The following LRMDA variants were observed in gnomAD, a reference collection of about 807,000 sequenced individuals.
LRMDA encodes leucine rich melanocyte differentiation associated, also known as leucine-rich melanocyte differentiation-associated protein.
Under a neutral mutation model 29.8 loss-of-function variants are expected in LRMDA, and 18 were observed. The observed-to-expected ratio is 0.60, with a 90% CI of 0.42 to 0.90. LRMDA has a LOEUF of 0.90. LRMDA is among the 40% of genes least tolerant of loss of function. LRMDA has a pLI of 0.00. For missense variants in LRMDA, 273 were observed against 273.9 expected (o/e 1.00, Z 0.02); for synonymous variants, 125 against 109.4 (o/e 1.14, Z -0.89).
chr10:76,511,857 G>A (rs952145428), intron 6 of LRMDA, among the ~76,000 whole-genome samples: 5 of 146,644 alleles, frequency 3.4e-5, no homozygotes, highest in African/African-American at 1.3e-4. Flanking sequence ...TTTTTTTGCA[G>A]AAATTGACCA....
intron 6 of LRMDA, among the ~76,000 whole-genome samples, chr10:76,441,692 C>T (rs1486835355): frequency 2.0e-5 from 3 of 152,196 alleles, no homozygotes; most frequent in Non-Finnish European, 2.9e-5. Context: ...GTGCGAGGCT[C>T]TGCCCCCCTC....
At chr10:75,725,529 G>A (rs1415830280) in intron 2 of LRMDA, among the ~76,000 whole-genome samples, 1 of 152,152 alleles carries the variant, frequency 6.6e-6, no homozygotes, top group East Asian at 1.9e-4. Context: ...TTTTTGAGTA[G>A]CGTTGTGTAA....
chr10:76,247,639 A>C (rs1564699348), intron 5 of LRMDA, among the ~76,000 whole-genome samples: 1 of 152,200 alleles, frequency 6.6e-6, no homozygotes. Flanking sequence ...TGCCTCCCGC[A>C]ACCCAACCCA....
chr10:75,612,257 T>G (rs564263831), intron 2 of LRMDA, among the ~76,000 whole-genome samples: 31 of 152,354 alleles, frequency 2.0e-4, no homozygotes, highest in African/African-American at 7.0e-4. Context: ...AAAATGCAGC[T>G]GGTTGAATGT....
At chr10:75,793,590 C>T (rs1043739018) in intron 2 of LRMDA, among the ~76,000 whole-genome samples, 1 of 152,144 alleles carries the variant, frequency 6.6e-6, no homozygotes, top group Non-Finnish European at 1.5e-5. Flanking sequence ...TTTCTGGTCC[C>T]CTTGTGTGAA....
At chr10:76,165,119 C>T (rs1319021890) in intron 5 of LRMDA, among the ~76,000 whole-genome samples, 1 of 151,766 alleles carries the variant, frequency 6.6e-6, no homozygotes, top group African/African-American at 2.4e-5. Context: ...ATTACAGGCA[C>T]CTGCCACCAT....
chr10:76,133,530 G>A (rs116707497), intron 5 of LRMDA, among the ~76,000 whole-genome samples: 1 of 152,082 alleles, frequency 6.6e-6, no homozygotes, highest in East Asian at 1.9e-4. Flanking sequence ...GTCAGCAAAC[G>A]CCAGACCACT....
intron 2 of LRMDA, among the ~76,000 whole-genome samples, chr10:75,994,677 G>T (rs1442080986): frequency 6.6e-6 from 1 of 152,174 alleles, no homozygotes; most frequent in Admixed American, 6.5e-5. Context: ...CTTCAGGGCT[G>T]TTCTACCTAT....
chr10:76,033,218 C>G (rs1189431827), intron 2 of LRMDA, among the ~76,000 whole-genome samples: 13 of 152,162 alleles, frequency 8.5e-5, no homozygotes, highest in Admixed American at 6.5e-4. Flanking sequence ...GCCCTCAGCT[C>G]TGGATCTAGA....
At chr10:75,833,070 G>GTCCTTTTT (rs1844373893) in intron 2 of LRMDA, among the ~76,000 whole-genome samples, 1 of 152,080 alleles carries the variant, frequency 6.6e-6, no homozygotes, top group Non-Finnish European at 1.5e-5. Context: ...TTGTCCTTTT[G>GTCCTTTTT]TCCTCTAAAT....
At chr10:76,239,154 C>T (rs1424884806) in intron 5 of LRMDA, among the ~76,000 whole-genome samples, 1 of 152,082 alleles carries the variant, frequency 6.6e-6, no homozygotes, top group Non-Finnish European at 1.5e-5. Flanking sequence ...GAGCATGGTT[C>T]ACTCCCTAGA....
intron 2 of LRMDA, among the ~76,000 whole-genome samples, chr10:75,954,844 T>C (rs1431417296): frequency 6.6e-6 from 1 of 152,172 alleles, no homozygotes; most frequent in Non-Finnish European, 1.5e-5. Flanking sequence ...GAGTTGAAAA[T>C]TGATTCTGAA....
chr10:75,821,508 G>A (rs914967708), intron 2 of LRMDA, among the ~76,000 whole-genome samples: 1 of 152,148 alleles, frequency 6.6e-6, no homozygotes, highest in Admixed American at 6.5e-5. Flanking sequence ...GGTGGCTCAC[G>A]CCTGTAATCC....
chr10:76,228,341 A>G (rs1851999346), intron 5 of LRMDA, among the ~76,000 whole-genome samples: 1 of 152,032 alleles, frequency 6.6e-6, no homozygotes, highest in Non-Finnish European at 1.5e-5. Context: ...ATCTATTTTA[A>G]CCACCCAAGG....
At chr10:76,251,985 TAAAGTC>T (rs1404724865) in intron 5 of LRMDA, among the ~76,000 whole-genome samples, 1 of 152,222 alleles carries the variant, frequency 6.6e-6, no homozygotes, top group Non-Finnish European at 1.5e-5. Context: ...TGTTTTGACT[TAAAGTC>T]TAAGAAACAC....
chr10:76,090,195 C>T (rs577090306), intron 5 of LRMDA, among the ~76,000 whole-genome samples: 3 of 152,250 alleles, frequency 2.0e-5, no homozygotes, highest in Non-Finnish European at 2.9e-5. Context: ...AGGACCCAGG[C>T]GCCATTGCCT....
chr10:76,251,226 CTTTTTTTTTTTTTTTTTTTT>C (rs558637864), intron 5 of LRMDA, among the ~76,000 whole-genome samples: 3 of 70,264 alleles, frequency 4.3e-5, no homozygotes, highest in East Asian at 5.0e-4. Flanking sequence ...CCCGTCGCTT[CTTTTTTTTTTTTTTTTTTTT>C]TTTTTTTTTT....
chr10:75,853,526 G>A (rs1342140822), intron 2 of LRMDA, among the ~76,000 whole-genome samples: 1 of 151,998 alleles, frequency 6.6e-6, no homozygotes, highest in African/African-American at 2.4e-5. Context: ...CAAGTGAGTG[G>A]TGCAAATTCT....
chr10:75,502,696 G>T (rs1386313420), intron 2 of LRMDA, among the ~76,000 whole-genome samples: 1 of 152,158 alleles, frequency 6.6e-6, no homozygotes, highest in Non-Finnish European at 1.5e-5. Context: ...GGGTTCAGAG[G>T]CCTCCTGAGG....
Sources: allele counts gnomAD v4.1 joint callset (sites outside exome capture counted in the v4.1 genomes callset), GRCh38; gene constraint gnomAD v4.1.1; transcripts MANE v1.5; gene names NCBI Gene and HGNC (gene_info 2026-07-23, HGNC 2026-07-21).